ESRRG: variants seen among roughly 807,000 people sequenced by gnomAD.
ESRRG encodes estrogen related receptor gamma.
ESRRG carries 13 observed loss-of-function variants against 44.0 expected under a neutral mutation model. That is an observed-to-expected ratio of 0.30 (90% CI 0.19 to 0.47). ESRRG has a LOEUF of 0.47. Among genes scored for constraint, ESRRG ranks in the 20% least tolerant of loss-of-function variants. The pLI is 1.00. For synonymous variants in ESRRG, 215 were observed against 214.6 expected (o/e 1.00, Z -0.02); for missense variants, 395 against 580.6 (o/e 0.68, Z 3.29).
intron 5 of ESRRG, among the ~76,000 whole-genome samples, chr1:216,561,877 C>G (rs970938465): frequency 6.6e-6 from 1 of 152,130 alleles, no homozygotes; most frequent in Non-Finnish European, 1.5e-5. Context: ...TAACGTCAGT[C>G]CCCACCAATT....
At chr1:217,109,843 T>G (rs1455220966) in intron 1 of ESRRG, among the ~76,000 whole-genome samples, 1 of 152,106 alleles carries the variant, frequency 6.6e-6, no homozygotes, top group African/African-American at 2.4e-5. Context: ...AGGGGCAAAA[T>G]GGCCACAGTT....
intron 2 of ESRRG, among the ~76,000 whole-genome samples, chr1:216,789,807 A>G (rs1184438332): frequency 6.6e-6 from 1 of 152,120 alleles, no homozygotes; most frequent in Non-Finnish European, 1.5e-5. Context: ...CTCATATAGG[A>G]GAAAGGCCAC....
chr1:216,506,851 A>C lies in ESRRG; in HGVS notation c.*88T>G. On this transcript the variant is annotated 3_prime_UTR_variant, in exon 7 of 7. Transcript: ENST00000408911. The stretch of plus-strand genomic sequence containing the variant: ...CAGTCTGTTGATTTTTGATGTTGTT[A>C]ACTAAACTCTAAGTTTCTTCGACAT... 6.9e-7 allele frequency: 1 copy of C among 1,450,730 alleles called. No individual in the cohort carries two copies. 89.9% of individuals were successfully genotyped at this position (1,450,730 alleles called of 1,614,324 possible). A position where few individuals can be genotyped will look rare whatever the true frequency, so the allele number is the denominator to read the frequency against.
rs578253933 is a variant in ESRRG, at chr1:217,002,291, G to A, written c.-105-62618C>T. Among the ~76,000 whole-genome samples, 87 of 120,032 alleles carry A rather than the reference G, an allele frequency of 7.2e-4. 1 individual carries two copies. The highest frequency in any genetic ancestry group is 2.7e-3 in the African/African-American group (83 of 30,208). The allele number at this position is 120,032 out of a possible 152,430, so 78.7% of individuals were successfully genotyped here. A position where few individuals can be genotyped will look rare whatever the true frequency, so the allele number is the denominator to read the frequency against. ...CACTCCAGCCTGGGCATCAGAGTGAGATTCTGTCTAAAAAAAAAAAAAAGA... is the reference window on the plus strand; with the variant it reads ...CACTCCAGCCTGGGCATCAGAGTGAAATTCTGTCTAAAAAAAAAAAAAAGA... On this transcript the variant is annotated intron_variant, in intron 1 of 7. Coordinates refer to the ESRRG transcript ENST00000359162.
intron 2 of ESRRG, among the ~76,000 whole-genome samples, chr1:216,656,936 A>G (rs896953249): frequency 1.3e-5 from 2 of 152,194 alleles, no homozygotes; most frequent in Admixed American, 1.3e-4. Flanking sequence ...TTTAAAAATA[A>G]TGGGATTTGC....
At chr1:216,760,372 GTA>G (rs997688978) in intron 2 of ESRRG, among the ~76,000 whole-genome samples, 2 of 151,502 alleles carry the variant, frequency 1.3e-5, no homozygotes, top group Admixed American at 6.6e-5. Context: ...ATATATATGT[GTA>G]TATATATATG....
chr1:216,755,994 A>C (rs1465434142), intron 2 of ESRRG, among the ~76,000 whole-genome samples: 2 of 151,990 alleles, frequency 1.3e-5, no homozygotes, highest in East Asian at 3.9e-4. Context: ...TTCCCCCAGA[A>C]ACCTGAAATA....
chr1:216,832,907 AGAGGTTGCAGT>A (rs1487582910), intron 2 of ESRRG, among the ~76,000 whole-genome samples: 1 of 151,980 alleles, frequency 6.6e-6, no homozygotes, highest in African/African-American at 2.4e-5. Context: ...TCCCAGAGGC[AGAGGTTGCAGT>A]GAGCCGAGAT....
At chr1:217,051,214 G>GGT (rs1031925834) in intron 1 of ESRRG, among the ~76,000 whole-genome samples, 2 of 116,070 alleles carry the variant, frequency 1.7e-5, no homozygotes, top group South Asian at 3.9e-4. Context: ...CGGGGGGGGG[G>GGT]GGTGCCAGGG....
At chr1:216,994,419 A>T (rs2076106502) in intron 1 of ESRRG, among the ~76,000 whole-genome samples, 1 of 152,110 alleles carries the variant, frequency 6.6e-6, no homozygotes, top group Admixed American at 6.5e-5. Flanking sequence ...ACAAACACAC[A>T]CACGGATACA....
intron 2 of ESRRG, among the ~76,000 whole-genome samples, chr1:216,916,314 G>A (rs1464322421): frequency 6.6e-6 from 1 of 152,114 alleles, no homozygotes; most frequent in Non-Finnish European, 1.5e-5. Context: ...ATCACCATTT[G>A]TTTCATGTCA....
intron 1 of ESRRG, among the ~76,000 whole-genome samples, chr1:216,682,294 T>C (rs536402386): frequency 6.6e-6 from 1 of 152,322 alleles, no homozygotes; most frequent in South Asian, 2.1e-4. Context: ...ACTATATCTA[T>C]ACCAATAGTA....
At chr1:216,767,984 C>T (rs1254969576) in intron 2 of ESRRG, among the ~76,000 whole-genome samples, 1 of 152,036 alleles carries the variant, frequency 6.6e-6, no homozygotes, top group African/African-American at 2.4e-5. Context: ...TTCTTTGCAC[C>T]TACCCACATT....
chr1:216,660,669 T>C (rs1188988602), intron 2 of ESRRG, among the ~76,000 whole-genome samples: 2 of 152,246 alleles, frequency 1.3e-5, no homozygotes, highest in African/African-American at 2.4e-5. Context: ...AAAGGAAATT[T>C]TGATGCCTGA....
At position 216,828,690 on chromosome 1, in the gene ESRRG, A is replaced by G. The variant is rs544020990; in HGVS notation, c.-14+110892T>C. On this transcript the variant is annotated intron_variant, in intron 2 of 7. Coordinates refer to the ESRRG transcript ENST00000359162. ...ATAAACCCCCAAAGAACAACTTGTC[A>G]TAAAATGTTAGGTTTTTAATTTTTC... Among the ~76,000 whole-genome samples, 26 of 152,332 alleles carry G rather than the reference A, an allele frequency of 1.7e-4. No homozygotes were observed. In the South Asian group the frequency reaches 3.9e-3, roughly 23 times the overall value.
In ESRRG at chr1:216,505,984, C is replaced by A. The variant is rs1383923646; in HGVS notation, c.*955G>T. The A allele has an allele frequency of 1.3e-5, 2 of 152,590 alleles. No individual in the cohort carries two copies. The highest frequency in any genetic ancestry group is 2.1e-4 in the South Asian group (1 of 4,826). 9.5% of individuals were successfully genotyped at this position (152,590 alleles called of 1,614,324 possible). A position where few individuals can be genotyped will look rare whatever the true frequency, so the allele number is the denominator to read the frequency against. On this transcript the variant is annotated 3_prime_UTR_variant, in exon 7 of 7. Transcript: ENST00000408911. The stretch of plus-strand genomic sequence containing the variant: ...ATTGTTCGTAATTGTTCAAAGCCAG[C>A]ACAAAATTGCAGTATTCTTATTTCT...
chr1:217,133,623 T>TTCTCTCTCTC (rs1558297993), intron 1 of ESRRG, among the ~76,000 whole-genome samples: 5 of 33,742 alleles, frequency 1.5e-4, no homozygotes, highest in African/African-American at 5.7e-4. Flanking sequence ...CTTTCTTTCT[T>TTCTCTCTCTC]TCTTTCTTTC....
chr1:216,518,797 T>TCAA (rs1432103501), intron 6 of ESRRG, among the ~76,000 whole-genome samples: 12 of 152,210 alleles, frequency 7.9e-5, no homozygotes, highest in African/African-American at 2.9e-4. Context: ...TTTGTGTGTA[T>TCAA]CAACAATTCC....
intron 3 of ESRRG, among the ~76,000 whole-genome samples, chr1:216,586,062 A>AGT (rs1553380202): frequency 6.6e-6 from 1 of 151,858 alleles, no homozygotes; most frequent in Non-Finnish European, 1.5e-5. Context: ...TTAATTAATA[A>AGT]AGTTATTTTT....
Sources: gnomAD v4.1 joint callset for allele counts (sites outside exome capture counted in the v4.1 genomes callset) on GRCh38, gnomAD v4.1.1 for gene constraint, MANE v1.5 for transcripts, NCBI Gene and HGNC (gene_info 2026-07-23, HGNC 2026-07-21) for gene names.